The following FAT1 variants were observed in gnomAD, a reference collection of about 807,000 sequenced individuals.
The protein encoded by FAT1 is FAT atypical cadherin 1.
Under a neutral mutation model 329.8 loss-of-function variants are expected in FAT1, and 171 were observed. That is an observed-to-expected ratio of 0.52 (90% confidence interval 0.46 to 0.59). The LOEUF (loss-of-function observed/expected upper bound fraction) is 0.59. Among genes scored for constraint, FAT1 ranks in the 20% least tolerant of loss-of-function variants. The probability of loss-of-function intolerance (pLI) is 0.00; values close to 1 mark genes in which losing one functional copy is unlikely to be tolerated. For synonymous variants in FAT1, 2,233 were observed against 2,228.6 expected (o/e 1.00, Z -0.06); for missense variants, 5,672 against 5,774.4 (o/e 0.98, Z 0.57).
Position 186,589,028 on chromosome 4 carries a change from G to A in FAT1, c.13331C>T (p.Ala4444Val), listed in dbSNP as rs2126354619. 9 of 1,613,926 alleles carry A rather than the reference G, an allele frequency of 5.6e-6. No individual in the cohort carries two copies. The highest frequency in any genetic ancestry group is 6.8e-6 in the Non-Finnish European group (8 of 1,179,874). The part of the protein sequence containing the change: ...DFPPPPEDFP[A>V]ADELPPLPPE... ...CGGTAACGGTGGTAGCTCATCAGCT[G>A]CGGGGAAGTCTTCTGGGGGTGGAGG... The change falls in exon 27 of 27, where the codon GCA (alanine) becomes GTA (valine). Residue 4444 changes from alanine (A) to valine (V), a missense_variant. Ala to Val is a moderately conservative substitution (Grantham distance 64). Coordinates refer to ENST00000441802, the MANE Select transcript of FAT1 (RefSeq NM_005245.4).
In FAT1 at chr4:186,663,307, G is replaced by C. The variant is rs2126616480; in HGVS notation, c.3572C>G (p.Pro1191Arg). ...GCAGTATTAACACATACCTGTTTTA[G>C]GATGTATTGAAAAGAATCCTTGTGG... ...GNPQGFFSIH[P>R]KTGLITTTSR... The change falls in exon 3 of 27, where the codon CCT becomes CGT. Residue 1191 changes from proline (P) to arginine (R), a missense_variant. Around this residue, in one of 2 missense-constraint regions of FAT1, gnomAD observed 3,966 missense variants for 3,915.2 expected, o/e 1.01. Transcript: ENST00000441802. 1 of 1,611,258 alleles carries C rather than the reference G, an allele frequency of 6.2e-7. No individual in the cohort carries two copies. The highest frequency in any genetic ancestry group is 1.7e-5 in the Admixed American group (1 of 59,644).
intron 4 of FAT1, 107 bp downstream of exon 4, chr4:186,639,615 C>A (rs1741001958): frequency 2.7e-6 from 2 of 739,930 alleles, no homozygotes; most frequent in Non-Finnish European, 4.4e-6. Context: ...ATTAATACAA[C>A]AAAATATTAA....
rs3733407 is a variant in FAT1 at position 186,620,607 on chromosome 4, G to C, written c.5979C>G (p.Thr1993=). ...TAATGACAGCTAATGTTTCGGCCTC[G>C]GTGGAATTCTCTTTCACTACCGCAG... ...VYSAVVKENS[T]EAETLAVITA... The change falls in exon 10 of 27, where the codon ACC becomes ACG. Residue 1993 remains threonine (T), a synonymous_variant. Transcript: ENST00000441802. 2 of 1,613,918 alleles carry C rather than the reference G, an allele frequency of 1.2e-6. No individual in the cohort carries two copies.
chr4:186,687,202 A>ATCT, intron 2 of FAT1, among the ~76,000 whole-genome samples: 1 of 152,196 alleles, frequency 6.6e-6, no homozygotes, highest in Non-Finnish European at 1.5e-5. Flanking sequence ...CACAACCAGA[A>ATCT]CCACAGCCAC....
intron 2 of FAT1, among the ~76,000 whole-genome samples, chr4:186,682,551 T>C (rs1470726758): frequency 8.6e-6 from 1 of 116,144 alleles, no homozygotes; most frequent in Non-Finnish European, 1.7e-5. Flanking sequence ...AAAAGAAAGT[T>C]GTAAATGTTT....
intron 2 of FAT1, among the ~76,000 whole-genome samples, chr4:186,668,369 G>A (rs1169768439): frequency 6.6e-6 from 1 of 152,104 alleles, no homozygotes; most frequent in Non-Finnish European, 1.5e-5. Flanking sequence ...AAAGACCAGG[G>A]GTAGAGCTAG....
At chr4:186,668,730 T>C (rs1742585287) in intron 2 of FAT1, among the ~76,000 whole-genome samples, 1 of 152,222 alleles carries the variant, frequency 6.6e-6, no homozygotes, top group African/African-American at 2.4e-5. Context: ...ACAGATTGAT[T>C]TCTTCTGTAA....
chr4:186,590,247 G>A (rs1393265827), intron 26 of FAT1: 8 of 474,338 alleles, frequency 1.7e-5, no homozygotes, highest in Middle Eastern at 3.3e-4. Context: ...CACACATGCA[G>A]CCGTGTACTT....
chr4:186,669,467 T>A (rs1742636072), intron 2 of FAT1, among the ~76,000 whole-genome samples: 1 of 152,198 alleles, frequency 6.6e-6, no homozygotes, highest in Non-Finnish European at 1.5e-5. Flanking sequence ...CGGCTTTACC[T>A]GAATGAAGCA....
intron 3 of FAT1, among the ~76,000 whole-genome samples, chr4:186,656,980 A>G (rs533692159): frequency 1.3e-5 from 2 of 152,306 alleles, no homozygotes; most frequent in South Asian, 2.1e-4. Flanking sequence ...AAAACCACCA[A>G]GAAGCAGACA....
At position 186,707,475 on chromosome 4, in the gene FAT1, T is replaced by C. The variant is rs763165843; in HGVS notation, c.2353A>G (p.Thr785Ala). Residue 785 changes from threonine to alanine, a missense_variant, in exon 2 of 27, where the codon ACA becomes GCA. Transcript: ENST00000441802. Reference sequence around the variant, plus strand: ...GTAATATTCAGGGTGTATTTGTCTGTTGTTTCACGGTCAAGAGGAGATAAA... The same window carrying C: ...GTAATATTCAGGGTGTATTTGTCTGCTGTTTCACGGTCAAGAGGAGATAAA... Reference protein sequence around the residue: ...KILSPLDRETTDKYTLNITVY... With the variant: ...KILSPLDRETADKYTLNITVY... 7.4e-6 allele frequency: 12 copies of C among 1,613,930 alleles called. No individual in the cohort carries two copies. The highest frequency in any genetic ancestry group is 9.3e-6 in the Non-Finnish European group (11 of 1,179,912).
At chr4:186,634,622 C>A (rs1385556211) in intron 6 of FAT1, among the ~76,000 whole-genome samples, 2 of 151,190 alleles carry the variant, frequency 1.3e-5, no homozygotes, top group African/African-American at 4.9e-5. Flanking sequence ...AAAAAAAAAA[C>A]AGCGATGGAA....
rs533304260 is a variant in FAT1 at position 186,599,959 on chromosome 4, C to T, written c.12042G>A (p.Thr4014=). Residue 4014 remains threonine, a synonymous_variant, in exon 22 of 27, where the codon ACG becomes ACA. Coordinates refer to ENST00000441802, the MANE Select transcript of FAT1 (RefSeq NM_005245.4). ...DVSPGCFLTA[T]EDCASNPCQN... ...GGCAAGGGTTGCTGGCGCAGTCTTCCGTGGCCGTCAGGAAGCAGCCTGGAG... is the reference window on the plus strand; with the variant it reads ...GGCAAGGGTTGCTGGCGCAGTCTTCTGTGGCCGTCAGGAAGCAGCCTGGAG... The T allele has an allele frequency of 2.0e-5, 33 of 1,613,962 alleles. No homozygotes were observed. The highest frequency in any genetic ancestry group is 7.7e-5 in the South Asian group (7 of 91,080).
chr4:186,697,278 A>G (rs1480896352), intron 2 of FAT1, among the ~76,000 whole-genome samples: 1 of 152,188 alleles, frequency 6.6e-6, no homozygotes, highest in East Asian at 1.9e-4. Context: ...CCATTTACAC[A>G]TGAACTCTTT....
intron 3 of FAT1, among the ~76,000 whole-genome samples, chr4:186,651,981 G>A (rs1560967506): frequency 6.6e-6 from 1 of 152,198 alleles, no homozygotes; most frequent in African/African-American, 2.4e-5. Context: ...ATAGACTGGC[G>A]AGGCTGGAAA....
intron 2 of FAT1, among the ~76,000 whole-genome samples, chr4:186,698,908 C>T (rs752113059): frequency 2.0e-5 from 3 of 152,212 alleles, no homozygotes; most frequent in East Asian, 1.9e-4. Context: ...TCAACTGGCA[C>T]GCGCTACTTT....
chr4:186,625,891 A>C (rs1447557293), intron 9 of FAT1, among the ~76,000 whole-genome samples: 1 of 152,380 alleles, frequency 6.6e-6, no homozygotes, highest in African/African-American at 2.4e-5. Context: ...TACCATGCCC[A>C]GGAGGAACAC....
In FAT1 at chr4:186,709,154, G is replaced by T. The variant is rs532042585; in HGVS notation, c.674C>A (p.Ala225Glu). 1 of 1,613,814 alleles carries T rather than the reference G, an allele frequency of 6.2e-7. No homozygotes were observed. Among genetic ancestry groups the T allele is most frequent in the Non-Finnish European group, 8.5e-7 (1 of 1,179,878 alleles). ...CCCATACAACTTCATGCCACGGTCC[G>T]CAGCGAGGATTTCCATCTCATAGAG... ...TKLYEMEILA[A>E]DRGMKLYGSS... Residue 225 changes from alanine (A) to glutamate (E), a missense_variant, in exon 2 of 27, where the codon GCG (alanine) becomes GAG (glutamate). Ala to Glu is a moderately radical substitution (Grantham distance 107). This residue lies in a region of FAT1 where 3,966 missense variants were observed against 3,915.2 expected (regional missense o/e 1.01). Transcript: ENST00000441802.
chr4:186,652,129 T>G (rs1741695162), intron 3 of FAT1, among the ~76,000 whole-genome samples: 1 of 152,244 alleles, frequency 6.6e-6, no homozygotes, highest in Admixed American at 6.5e-5. Context: ...TCTCTTCTGC[T>G]TTCAATTCTA....
Sources: gnomAD v4.1 joint callset for allele counts (sites outside exome capture counted in the v4.1 genomes callset) on GRCh38, gnomAD v4.1.1 for gene constraint, gnomAD v4.1.1 regional missense constraint, MANE v1.5 for transcripts, NCBI Gene and HGNC (gene_info 2026-07-23, HGNC 2026-07-21) for gene names.